RGPD4: variants seen among roughly 807,000 people sequenced by gnomAD.
RGPD4 encodes the protein RANBP2 like and GRIP domain containing 4.
RGPD4 carries 84 observed loss-of-function variants against 141.1 expected under a neutral mutation model. That is an observed-to-expected ratio of 0.60 (90% CI 0.50 to 0.71). The LOEUF (loss-of-function observed/expected upper bound fraction) is 0.71, where lower values mean the gene tolerates loss of function less well. RGPD4 is among the 30% of genes least tolerant of loss of function. The probability of loss-of-function intolerance (pLI) is 0.00; values close to 1 mark genes in which losing one functional copy is unlikely to be tolerated. For missense variants in RGPD4, 918 were observed against 1,622.4 expected, an observed-to-expected ratio of 0.57 and a Z score of 7.46; for synonymous variants, 298 against 566.8, an observed-to-expected ratio of 0.53 and a Z score of 6.74.
intron 20 of RGPD4, among the ~76,000 whole-genome samples, chr2:107,878,387 G>A (rs1325333913): frequency 2.1e-5 from 3 of 143,074 alleles, no homozygotes; most frequent in Non-Finnish European, 4.8e-5. Context: ...CCGGGAAGAG[G>A]GAGAAGGCAT....
chr2:107,861,848 T>C, intron 15 of RGPD4, 108 bp downstream of exon 15: 2 of 1,558,750 alleles, frequency 1.3e-6, no homozygotes, highest in South Asian at 2.3e-5. Flanking sequence ...TAATATGTTG[T>C]TATTAATGCA....
intron 1 of RGPD4, among the ~76,000 whole-genome samples, chr2:107,830,113 A>G (rs908537665): frequency 1.4e-4 from 20 of 145,696 alleles, no homozygotes; most frequent in African/African-American, 3.1e-4. Context: ...GCTCCACTCC[A>G]CTCCTCATAC....
chr2:107,862,530 TAAAA>T (rs1336162977), intron 15 of RGPD4, among the ~76,000 whole-genome samples, 148 bp from the exon 16 acceptor site: 1 of 150,874 alleles, frequency 6.6e-6, no homozygotes, highest in Non-Finnish European at 1.5e-5. Flanking sequence ...AAAAGATAAT[TAAAA>T]AACACTTTCA....
chr2:107,874,735 C>A (rs1184200226), intron 20 of RGPD4, among the ~76,000 whole-genome samples: 1 of 149,974 alleles, frequency 6.7e-6, no homozygotes, highest in African/African-American at 2.5e-5. Flanking sequence ...TGTCATTGTC[C>A]CAAGGGACCT....
intron 21 of RGPD4, among the ~76,000 whole-genome samples, chr2:107,880,358 G>A (rs1189026164): frequency 7.9e-6 from 1 of 126,424 alleles, no homozygotes. Context: ...CCACCTCCCA[G>A]GTTCACGCCA....
At position 107,870,828 on chromosome 2, in the gene RGPD4, G is replaced by T. The variant is rs751577655; in HGVS notation, c.2824G>T (p.Glu942Ter). 3 of 1,609,812 alleles carry T rather than the reference G, an allele frequency of 1.9e-6. No individual in the cohort carries two copies. The highest frequency in any genetic ancestry group is 2.5e-6 in the Non-Finnish European group (3 of 1,178,786). Reference protein sequence around the residue: ...NQEKESEKPLENDTGFQAQDI... With the variant: ...NQEKESEKPL ...AGAAAAGGAAAGTGAAAAGCCTCTT[G>T]AAAATGATACTGGCTTCCAGGCTCA... Residue 942 changes from glutamate (E) to a stop codon, truncating the protein, a stop_gained, in exon 20 of 23, where the codon GAA (glutamate) becomes TAA (stop). Coordinates refer to ENST00000408999, the MANE Select transcript of RGPD4 (RefSeq NM_182588.3). LOFTEE classifies it high-confidence loss of function.
chr2:107,829,952 C>G lies in RGPD4; in HGVS notation c.72+2867C>G, dbSNP rs368237896. On this transcript the variant is annotated intron_variant, in intron 1 of 22. Coordinates refer to ENST00000408999, the MANE Select transcript of RGPD4 (RefSeq NM_182588.3). Reference sequence around the variant, plus strand: ...CCTGGAGGAACCCAGTGGGGACTGACGCAGCTCCGGGTGAGCTTTGGCGGC... The same window carrying G: ...CCTGGAGGAACCCAGTGGGGACTGAGGCAGCTCCGGGTGAGCTTTGGCGGC... Among the ~76,000 whole-genome samples, 1,475 of 152,070 alleles carry G rather than the reference C, an allele frequency of 9.7e-3. 17 individuals carry two copies. Among genetic ancestry groups the G allele is most frequent in the African/African-American group, 0.034 (1,398 of 41,454 alleles).
intron 3 of RGPD4, among the ~76,000 whole-genome samples, chr2:107,838,588 C>T: frequency 1.4e-5 from 1 of 69,522 alleles, no homozygotes; most frequent in East Asian, 2.3e-4. Flanking sequence ...GTGTTTTTTG[C>T]ATTCAAATGA....
In RGPD4 at chr2:107,871,855, A is replaced by G. The variant is rs747636768; in HGVS notation, c.3851A>G (p.His1284Arg). The G allele has an allele frequency of 9.9e-6, 16 of 1,611,444 alleles. No homozygotes were observed. Among genetic ancestry groups the G allele is most frequent in the African/African-American group, 1.3e-5 (1 of 74,494 alleles). Residue 1284 changes from histidine to arginine, a missense_variant, in exon 20 of 23, where the codon CAT becomes CGT. Transcript: ENST00000408999. ...AGCCCTGTGAGAAAAAATCTTTTCC[A>G]TTTTGGTGAGTCAACAACAGGATCT... is the stretch of plus-strand genomic sequence containing the variant. ...ASSPVRKNLF[H>R]FGESTTGSNF... is the part of the protein sequence containing the mutation.
At chr2:107,855,632 A>T (rs951802233) in intron 8 of RGPD4, among the ~76,000 whole-genome samples, 3 of 138,088 alleles carry the variant, frequency 2.2e-5, no homozygotes, top group South Asian at 2.5e-4. Context: ...GGGTTTTTTT[A>T]AAAAGTTCAA....
chr2:107,879,902 C>T, intron 20 of RGPD4, 66 bp from the exon 21 acceptor site: 1 of 1,580,380 alleles, frequency 6.3e-7, no homozygotes, highest in Admixed American at 1.8e-5. Flanking sequence ...TTAGATTTTT[C>T]TTATTTAGAA....
chr2:107,854,775 G>A (rs1237881386), intron 8 of RGPD4, 132 bp downstream of exon 8: 2 of 1,173,976 alleles, frequency 1.7e-6, no homozygotes, highest in Non-Finnish European at 1.2e-6. Flanking sequence ...TATCAGTTAA[G>A]AGCAATAGGT....
chr2:107,844,832 T>G (rs1274816388), intron 6 of RGPD4, among the ~76,000 whole-genome samples: 3 of 52,886 alleles, frequency 5.7e-5, no homozygotes, highest in Non-Finnish European at 1.3e-4. Context: ...TCTTTTTTGT[T>G]TTTTTTTTTT....
Position 107,884,394 on chromosome 2 carries a change from C to T in RGPD4, c.5266+1521C>T, listed in dbSNP as rs533452268. On this transcript the variant is annotated intron_variant, in intron 22 of 22. Transcript: ENST00000408999. ...GGATTACAGGTGTGAGACACCACGC[C>T]CGGCCATTTTGTTGTTTTTTTATCT... 5.9e-5 allele frequency among the ~76,000 whole-genome samples: 9 copies of T among 152,142 alleles called. No homozygotes were observed. The South Asian group carries it at 1.5e-3, about 25-fold the overall frequency.
At chr2:107,874,463 A>G (rs1298880462) in intron 20 of RGPD4, among the ~76,000 whole-genome samples, 3 of 129,820 alleles carry the variant, frequency 2.3e-5, no homozygotes, top group Non-Finnish European at 4.9e-5. Context: ...CATCTTAGCC[A>G]TGCCAAACAA....
intron 1 of RGPD4, among the ~76,000 whole-genome samples, chr2:107,830,513 A>G (rs1258595850): frequency 6.6e-6 from 1 of 152,164 alleles, no homozygotes; most frequent in South Asian, 2.1e-4. Flanking sequence ...ACGATTGGTT[A>G]TTATGGCACC....
At chr2:107,889,045 T>C (rs1675581297) in intron 22 of RGPD4, among the ~76,000 whole-genome samples, 1 of 145,890 alleles carries the variant, frequency 6.9e-6, no homozygotes, top group Admixed American at 6.8e-5. Flanking sequence ...AAAAATAAAA[T>C]GACTTTAACT....
chr2:107,874,884 G>A (rs1393769526), intron 20 of RGPD4, among the ~76,000 whole-genome samples: 1 of 151,158 alleles, frequency 6.6e-6, no homozygotes, highest in African/African-American at 2.5e-5. Context: ...TCCTAGCTAG[G>A]AAATGATACT....
In RGPD4 at chr2:107,844,823, C is replaced by CTTTT. The variant is rs1681859511; in HGVS notation, c.782+1096_782+1099dup. ...GGTTCCTTTCTTTCTTTCTTTCTTT[C>CTTTT]TTTTTTGTTTTTTTTTTTTTTTTTT... On this transcript the variant is annotated intron_variant, in intron 6 of 22. Transcript: ENST00000408999. Among the ~76,000 whole-genome samples the CTTTT allele has an allele frequency of 7.4e-4, 40 of 53,774 alleles. 1 individual carries two copies. Among genetic ancestry groups the CTTTT allele is most frequent in the African/African-American group, 1.4e-3 (20 of 14,576 alleles). 35.3% of individuals were successfully genotyped at this position (53,774 alleles called of 152,430 possible).
Sources: allele counts gnomAD v4.1 joint callset (sites outside exome capture counted in the v4.1 genomes callset), GRCh38; gene constraint gnomAD v4.1.1; transcripts MANE v1.5; gene names NCBI Gene and HGNC (gene_info 2026-07-23, HGNC 2026-07-21).